Variants in DTD2 observed in about 807,000 individuals in gnomAD.
DTD2 encodes the protein D-tyrosyl-tRNA deacylase 2 (putative).
Under a neutral mutation model 15.5 loss-of-function variants are expected in DTD2, and 12 were observed. That is an observed-to-expected ratio of 0.77 (90% CI 0.50 to 1.25). The LOEUF is 1.25. DTD2 is among the 50% of genes most tolerant of loss of function. The pLI is 0.00. For missense variants in DTD2, 170 were observed against 201.1 expected, an observed-to-expected ratio of 0.85 and a Z score of 0.93; for synonymous variants, 59 against 77.3, an observed-to-expected ratio of 0.76 and a Z score of 1.24.
rs201858716 is a variant in DTD2 at position 31,453,368 on chromosome 14, C to T, written c.112-24G>A. ...ACCTATGAGAAATCACCACAGTAAA[C>T]TCAGATTACAACAATATCTGTAAAG... On this transcript the variant is annotated intron_variant, in intron 1 of 2. Coordinates refer to ENST00000310850, the MANE Select transcript of DTD2 (RefSeq NM_080664.3). 114 of 1,607,124 alleles carry T rather than the reference C, an allele frequency of 7.1e-5. No homozygotes were observed. The East Asian group carries it at 1.2e-3, about 17-fold the overall frequency.
At position 31,448,155 on chromosome 14, in the gene DTD2, G is replaced by A. The variant is rs772055436; in HGVS notation, c.481C>T (p.Pro161Ser). Residue 161 changes from proline (P) to serine (S), a missense_variant, in exon 3 of 3, where the codon CCA becomes TCA. By Grantham distance (74) the Pro-to-Ser change is moderately conservative. Coordinates refer to ENST00000310850, the MANE Select transcript of DTD2 (RefSeq NM_080664.3). ...RQVLKLDTNGPFTHLIEF is the reference protein window; with the variant it reads ...RQVLKLDTNGSFTHLIEF Reference sequence around the variant, plus strand: ...CAAAACTCAATTAAGTGTGTGAATGGTCCGTTGGTGTCCAGCTTTAACACC... The same window carrying A: ...CAAAACTCAATTAAGTGTGTGAATGATCCGTTGGTGTCCAGCTTTAACACC... 10 of 1,612,906 alleles carry A rather than the reference G, an allele frequency of 6.2e-6. No homozygotes were observed. Among genetic ancestry groups the A allele is most frequent in the Non-Finnish European group, 8.5e-6 (10 of 1,179,354 alleles).
chr14:31,452,205 CTTCCATAATAAT>C (rs2032043439), intron 2 of DTD2: 1 of 152,186 alleles, frequency 6.6e-6, no homozygotes, highest in African/African-American at 2.4e-5. Flanking sequence ...AATGCAAATT[CTTCCATAATAAT>C]GATATAAACT....
Position 31,457,446 on chromosome 14 carries a change from C to T in DTD2, c.-53G>A. The T allele has an allele frequency of 7.7e-7, 1 of 1,304,430 alleles. No individual in the cohort carries two copies. Among genetic ancestry groups the T allele is most frequent in the Non-Finnish European group, 1.0e-6 (1 of 985,428 alleles). 80.8% of individuals were successfully genotyped at this position (1,304,430 alleles called of 1,614,324 possible). ...GTTACTAGGCCATGTGTCGCTGGCCCCTCCCTCGACGCGCTGGCGGGGCAG... is the reference window on the plus strand; with the variant it reads ...GTTACTAGGCCATGTGTCGCTGGCCTCTCCCTCGACGCGCTGGCGGGGCAG... On this transcript the variant is annotated 5_prime_UTR_variant, in exon 1 of 3. Coordinates refer to ENST00000310850, the MANE Select transcript of DTD2 (RefSeq NM_080664.3).
chr14:31,452,746 CAAAT>C (rs2032051314), intron 2 of DTD2: 1 of 152,112 alleles, frequency 6.6e-6, no homozygotes, highest in Non-Finnish European at 1.5e-5. Flanking sequence ...GTTCACAACA[CAAAT>C]AATAAATTTT....
In DTD2 at chr14:31,448,035, A is replaced by T; in HGVS notation, c.*94T>A. ...AGATTTTCCTGTCTAAAAATGCTGA[A>T]GATTAGTATATTCAAGATTAAGGGG... On this transcript the variant is annotated 3_prime_UTR_variant, in exon 3 of 3. Coordinates refer to ENST00000310850, the MANE Select transcript of DTD2 (RefSeq NM_080664.3). The T allele has an allele frequency of 4.5e-6, 5 of 1,104,536 alleles. No individual in the cohort carries two copies. Among genetic ancestry groups the T allele is most frequent in the Non-Finnish European group, 6.5e-6 (5 of 767,654 alleles). 68.4% of individuals were successfully genotyped at this position (1,104,536 alleles called of 1,614,324 possible).
At chr14:31,449,129 G>A (rs560507467) in intron 2 of DTD2, among the ~76,000 whole-genome samples, 4 of 152,286 alleles carry the variant, frequency 2.6e-5, no homozygotes, top group Admixed American at 6.5e-5. Flanking sequence ...TCCTGACCTC[G>A]TGATCCACTC....
chr14:31,452,938 CTTTTT>C (rs552520429), intron 2 of DTD2: 10 of 142,520 alleles, frequency 7.0e-5, no homozygotes, highest in South Asian at 4.3e-4. Flanking sequence ...TTCTCACTCT[CTTTTT>C]TTTTTTTTTT....
Position 31,448,526 on chromosome 14 carries a change from C to T in DTD2, c.182-72G>A, listed in dbSNP as rs2031991025. On this transcript the variant is annotated intron_variant, in intron 2 of 2. Coordinates refer to ENST00000310850, the MANE Select transcript of DTD2 (RefSeq NM_080664.3). ...TGAAGAAAACCATCAAGTTTTTAGTCAGCAAATCTCATGTTTAAAATTCAG... is the reference window on the plus strand; with the variant it reads ...TGAAGAAAACCATCAAGTTTTTAGTTAGCAAATCTCATGTTTAAAATTCAG... 3 of 1,343,784 alleles carry T rather than the reference C, an allele frequency of 2.2e-6. No individual in the cohort carries two copies. In the East Asian group the frequency reaches 7.1e-5, roughly 32 times the overall value. The allele number at this position is 1,343,784 out of a possible 1,614,324, so 83.2% of individuals were successfully genotyped here.
intron 2 of DTD2, among the ~76,000 whole-genome samples, chr14:31,449,815 A>G (rs984392435): frequency 1.3e-5 from 2 of 152,194 alleles, no homozygotes; most frequent in Non-Finnish European, 2.9e-5. Context: ...TGGGGTAGCT[A>G]ACGGTTTTAA....
At chr14:31,451,440 G>A (rs1311312885) in intron 2 of DTD2, among the ~76,000 whole-genome samples, 1 of 144,020 alleles carries the variant, frequency 6.9e-6, no homozygotes, top group Non-Finnish European at 1.5e-5. Context: ...GAGCCACCGC[G>A]CCTGGCCTCT....
chr14:31,452,500 A>T (rs1231691300), intron 2 of DTD2: 2 of 152,198 alleles, frequency 1.3e-5, no homozygotes, highest in Admixed American at 1.3e-4. Flanking sequence ...CTTACTTTAA[A>T]CTTTGAAACA....
At chr14:31,457,035 T>TC in intron 1 of DTD2, 4 of 538,014 alleles carry the variant, frequency 7.4e-6, no homozygotes, top group African/African-American at 2.0e-5. Context: ...ATACCTGTGG[T>TC]CCCCCCAAGA....
At chr14:31,451,439 C>T (rs1377460734) in intron 2 of DTD2, among the ~76,000 whole-genome samples, 5 of 144,424 alleles carry the variant, frequency 3.5e-5, no homozygotes, top group South Asian at 2.3e-4. Context: ...TGAGCCACCG[C>T]GCCTGGCCTC....
intron 2 of DTD2, chr14:31,452,404 G>A (rs933002798): frequency 6.6e-6 from 1 of 152,196 alleles, no homozygotes; most frequent in Non-Finnish European, 1.5e-5. Context: ...TGCACTGTGT[G>A]TATGTGTATG....
At chr14:31,449,344 A>G (rs1873426001) in intron 2 of DTD2, among the ~76,000 whole-genome samples, 1 of 152,252 alleles carries the variant, frequency 6.6e-6, no homozygotes, top group South Asian at 2.1e-4. Flanking sequence ...CTTAAAGGCA[A>G]TATGAACATG....
intron 2 of DTD2, among the ~76,000 whole-genome samples, chr14:31,449,659 A>G (rs1471294159): frequency 6.6e-6 from 1 of 152,234 alleles, no homozygotes; most frequent in Admixed American, 6.5e-5. Context: ...TCTAATATAA[A>G]TAGACCTAGG....
chr14:31,457,453 C>A lies in DTD2; in HGVS notation c.-60G>T, dbSNP rs185777049. The A allele has an allele frequency of 2.1e-5, 27 of 1,285,716 alleles. No homozygotes were observed. The East Asian group carries it at 5.9e-4, about 28-fold the overall frequency. The allele number at this position is 1,285,716 out of a possible 1,614,324, so 79.6% of individuals were successfully genotyped here. A position where few individuals can be genotyped will look rare whatever the true frequency, so the allele number is the denominator to read the frequency against. ...GGCCATGTGTCGCTGGCCCCTCCCT[C>A]GACGCGCTGGCGGGGCAGACGAGGC... On this transcript the variant is annotated 5_prime_UTR_variant, in exon 1 of 3. Coordinates refer to ENST00000310850, the MANE Select transcript of DTD2 (RefSeq NM_080664.3).
rs1308802542 is a variant in DTD2 at position 31,447,282 on chromosome 14, C to G, written c.*847G>C. 1 of 151,754 alleles carries G rather than the reference C, an allele frequency of 6.6e-6. No homozygotes were observed. The allele number at this position is 151,754 out of a possible 1,614,324, so 9.4% of individuals were successfully genotyped here. ...ATAGGCATGAGCCACCACATTTGGC[C>G]CTATATTACATTTTCATGCATATTA... On this transcript the variant is annotated 3_prime_UTR_variant, in exon 3 of 3. Transcript: ENST00000310850.
intron 2 of DTD2, 23 bp downstream of exon 2, chr14:31,453,252 A>C: frequency 6.2e-7 from 1 of 1,613,182 alleles, no homozygotes; most frequent in Non-Finnish European, 8.5e-7. Context: ...ACTCTTAAAA[A>C]AGAAACAAAG....
Sources: gnomAD v4.1 joint callset for allele counts (sites outside exome capture counted in the v4.1 genomes callset) on GRCh38, gnomAD v4.1.1 for gene constraint, MANE v1.5 for transcripts, NCBI Gene and HGNC (gene_info 2026-07-23, HGNC 2026-07-21) for gene names.